BCR: variants seen among roughly 807,000 people sequenced by gnomAD.
The protein encoded by BCR is breakpoint cluster region protein.
BCR carries 58 observed loss-of-function variants against 138.6 expected under a neutral mutation model. The ratio of observed to expected loss-of-function variants is 0.42; its 90% CI spans 0.34 to 0.52. The LOEUF (loss-of-function observed/expected upper bound fraction) is 0.52, where lower values mean the gene tolerates loss of function less well. Ranked by LOEUF, BCR falls within the 20% of genes least tolerant of loss-of-function variation. The pLI is 0.06. For missense variants in BCR, 1,599 were observed against 1,727.2 expected (o/e 0.93, Z 1.32); for synonymous variants, 786 against 730.1 (o/e 1.08, Z -1.23).
chr22:23,281,868 G>A (rs1279664789), intron 8 of BCR, among the ~76,000 whole-genome samples: 1 of 152,230 alleles, frequency 6.6e-6, no homozygotes, highest in East Asian at 1.9e-4. Context: ...GTGACACTCA[G>A]TAGCCTTGCT....
chr22:23,285,119 A>C lies in BCR; in HGVS notation c.2324A>C (p.Asn775Thr). The C allele has an allele frequency of 6.2e-7, 1 of 1,614,104 alleles. No homozygotes were observed. The highest frequency in any genetic ancestry group is 1.3e-5 in the African/African-American group (1 of 75,032). ...GTGGATGAACTGGAGGCAGTGCCCA[A>C]CATCCCCCTGGTGCCCGATGAGGAG... Reference protein sequence around the residue: ...QMVDELEAVPNIPLVPDEELD... With the variant: ...QMVDELEAVPTIPLVPDEELD... Residue 775 changes from asparagine (N) to threonine (T), a missense_variant, in exon 10 of 23, where the codon AAC (asparagine) becomes ACC (threonine). Around this residue, in one of 4 missense-constraint regions of BCR, gnomAD observed 590 missense variants for 762.4 expected, o/e 0.77. Transcript: ENST00000305877.
intron 14 of BCR, chr22:23,290,986 T>G (rs1353064244): frequency 6.4e-6 from 1 of 157,170 alleles, no homozygotes; most frequent in Non-Finnish European, 1.4e-5. Context: ...GGCAGGTGGA[T>G]CGCTTGAGCT....
intron 17 of BCR, 142 bp downstream of exon 17, chr22:23,309,625 G>A: frequency 1.5e-6 from 1 of 652,252 alleles, no homozygotes; most frequent in Non-Finnish European, 2.8e-6. Context: ...GGGCCCCCAA[G>A]AGCAGAATCA....
intron 1 of BCR, among the ~76,000 whole-genome samples, chr22:23,209,613 G>A (rs1297176721): frequency 4.0e-5 from 6 of 151,592 alleles, no homozygotes; most frequent in South Asian, 2.1e-4. Context: ...GCGCGATCTC[G>A]GCTCACTGCA....
intron 2 of BCR, chr22:23,254,663 G>A (rs1006781201): frequency 2.2e-5 from 11 of 508,432 alleles, no homozygotes; most frequent in African/African-American, 1.2e-4. Flanking sequence ...CCTCTTGCTG[G>A]TCCCACAGCT....
intron 1 of BCR, among the ~76,000 whole-genome samples, chr22:23,248,945 G>A (rs1328938753): frequency 6.6e-6 from 1 of 152,172 alleles, no homozygotes; most frequent in Non-Finnish European, 1.5e-5. Flanking sequence ...TGGCTCTTGG[G>A]AGATGGTGGC....
chr22:23,248,663 C>G (rs2073184224), intron 1 of BCR, among the ~76,000 whole-genome samples: 1 of 152,190 alleles, frequency 6.6e-6, no homozygotes, highest in East Asian at 1.9e-4. Flanking sequence ...GGCCCTCCCT[C>G]TTCCACACCA....
intron 1 of BCR, among the ~76,000 whole-genome samples, chr22:23,250,415 A>C (rs1013830208): frequency 2.0e-5 from 3 of 152,202 alleles, no homozygotes; most frequent in Non-Finnish European, 4.4e-5. Context: ...CGCAGCCTGA[A>C]GCTGTGGTTT....
chr22:23,256,471 C>T (rs1351277798), intron 2 of BCR, among the ~76,000 whole-genome samples: 2 of 152,184 alleles, frequency 1.3e-5, no homozygotes, highest in African/African-American at 2.4e-5. Flanking sequence ...AGGCCAGCCC[C>T]TTGCCCTCTG....
At chr22:23,203,629 G>C (rs2072580238) in intron 1 of BCR, among the ~76,000 whole-genome samples, 2 of 152,194 alleles carry the variant, frequency 1.3e-5, no homozygotes, top group African/African-American at 4.8e-5. Flanking sequence ...TCTCATTCAG[G>C]AAGTTTCCTG....
intron 1 of BCR, among the ~76,000 whole-genome samples, chr22:23,209,991 A>G (rs2072663182): frequency 6.6e-6 from 1 of 152,102 alleles, no homozygotes; most frequent in Non-Finnish European, 1.5e-5. Context: ...CTTAACAGCT[A>G]TTTGTTTTTC....
At chr22:23,240,347 G>GT (rs1484814527) in intron 1 of BCR, among the ~76,000 whole-genome samples, 1 of 149,276 alleles carries the variant, frequency 6.7e-6, no homozygotes, top group Non-Finnish European at 1.5e-5. Flanking sequence ...GTGTGTGTCT[G>GT]TCTATGTGTG....
chr22:23,182,106 TC>T lies in BCR; in HGVS notation c.1152del (p.Thr385ArgfsTer114). 6.2e-7 allele frequency: 1 copy of T among 1,612,070 alleles called. No individual in the cohort carries two copies. ...NSQQSFDSSS[P>X]PTPQCHKRHR... is the part of the protein sequence containing the mutation. ...CGCAACAGTCCTTCGACAGCAGCAG[TC>T]CCCCCACGCCGCAGTGCCATAAGCG... On this transcript the variant is annotated frameshift_variant, in exon 1 of 23. Coordinates refer to ENST00000305877, the MANE Select transcript of BCR (RefSeq NM_004327.4). LOFTEE classifies it high-confidence loss of function.
intron 16 of BCR, among the ~76,000 whole-genome samples, chr22:23,295,788 C>T (rs1342480614): frequency 1.3e-5 from 2 of 152,108 alleles, no homozygotes; most frequent in African/African-American, 2.4e-5. Flanking sequence ...CCTGGGAGCA[C>T]GCCACCAGGG....
rs774623209 is a variant in BCR at position 23,268,543 on chromosome 22, T to TG, written c.1860+29dup. On this transcript the variant is annotated intron_variant, in intron 5 of 22. Coordinates refer to ENST00000305877, the MANE Select transcript of BCR (RefSeq NM_004327.4). ...AATGCCTTGATGCCGTTCAGACAGG[T>TG]GCACCGCTGACTCCCACCTGTACCC... is the stretch of plus-strand genomic sequence containing the variant. 3.8e-6 allele frequency: 6 copies of TG among 1,581,054 alleles called. No individual in the cohort carries two copies. The African/African-American group carries it at 8.1e-5, about 21-fold the overall frequency.
intron 1 of BCR, chr22:23,198,352 G>A: frequency 2.2e-6 from 1 of 446,918 alleles, no homozygotes; most frequent in South Asian, 1.6e-5. Context: ...TGGAGTCCCA[G>A]GGGGAGATTA....
intron 9 of BCR, 135 bp from the exon 10 acceptor site, chr22:23,284,898 T>C (rs2073692925): frequency 7.3e-6 from 7 of 957,076 alleles, no homozygotes; most frequent in Admixed American, 2.5e-5. Flanking sequence ...GTCTGTCCCA[T>C]GGAACACGTG....
chr22:23,181,300 G>C lies in BCR; in HGVS notation c.340G>C (p.Glu114Gln), dbSNP rs2072253680. 7.5e-7 allele frequency: 1 copy of C among 1,342,048 alleles called. No homozygotes were observed. Among genetic ancestry groups the C allele is most frequent in the Admixed American group, 3.5e-5 (1 of 28,460 alleles). The allele number at this position is 1,342,048 out of a possible 1,614,324, so 83.1% of individuals were successfully genotyped here. A position where few individuals can be genotyped will look rare whatever the true frequency, so the allele number is the denominator to read the frequency against. The stretch of plus-strand genomic sequence containing the variant: ...CGACCCGCCGCCCGCCGAGGAGCCC[G>C]AGGCCCGGCCCGACGGCGAGGGTTC... The part of the protein sequence containing the change: ...GADPPPAEEP[E>Q]ARPDGEGSPG... Residue 114 changes from glutamate (E) to glutamine (Q), a missense_variant, in exon 1 of 23, where the codon GAG becomes CAG. By Grantham distance (29) the Glu-to-Gln change is conservative. Coordinates refer to ENST00000305877, the MANE Select transcript of BCR (RefSeq NM_004327.4).
chr22:23,272,517 C>T (rs1334958225), intron 6 of BCR, among the ~76,000 whole-genome samples: 1 of 152,166 alleles, frequency 6.6e-6, no homozygotes, highest in Non-Finnish European at 1.5e-5. Flanking sequence ...AGGGCTCCCA[C>T]CATGCCAGGG....
Sources: gnomAD v4.1 joint callset for allele counts (sites outside exome capture counted in the v4.1 genomes callset) on GRCh38, gnomAD v4.1.1 for gene constraint, gnomAD v4.1.1 regional missense constraint, MANE v1.5 for transcripts, NCBI Gene and HGNC (gene_info 2026-07-23, HGNC 2026-07-21) for gene names.